Variants in PDE9A observed in about 807,000 individuals in gnomAD.
The protein encoded by PDE9A is phosphodiesterase 9A, also known as high affinity cGMP-specific 3',5'-cyclic phosphodiesterase 9A.
In PDE9A, 60 loss-of-function variants were observed where a neutral mutation model predicts 87.4. The observed-to-expected ratio is 0.69, with a 90% CI of 0.56 to 0.85. The LOEUF (loss-of-function observed/expected upper bound fraction) is 0.85. Ranked by LOEUF, PDE9A falls within the 40% of genes least tolerant of loss-of-function variation. The probability of loss-of-function intolerance (pLI) is 0.00; values close to 1 mark genes in which losing one functional copy is unlikely to be tolerated. For synonymous variants in PDE9A, 272 were observed against 279.4 expected (o/e 0.97, Z 0.27); for missense variants, 665 against 779.0 (o/e 0.85, Z 1.74).
At position 42,672,584 on chromosome 21, in the gene PDE9A, G is replaced by T. The variant is rs537761384; in HGVS notation, c.70-13608G>T. 5.9e-5 allele frequency among the ~76,000 whole-genome samples: 9 copies of T among 152,404 alleles called. No individual in the cohort carries two copies. The South Asian group carries it at 1.7e-3, about 28-fold the overall frequency. On this transcript the variant is annotated intron_variant, in intron 1 of 19. Coordinates refer to ENST00000291539, the MANE Select transcript of PDE9A (RefSeq NM_002606.3). ...CATGCCAAAGGGCAGGTCCAGCTCAGTGCTGGGGTGTGGAGGAACCCACCT... is the reference window on the plus strand; with the variant it reads ...CATGCCAAAGGGCAGGTCCAGCTCATTGCTGGGGTGTGGAGGAACCCACCT...
chr21:42,742,893 C>G (rs114028819), intron 7 of PDE9A, among the ~76,000 whole-genome samples: 2,302 of 152,244 alleles, frequency 0.015, 55 homozygotes, highest in African/African-American at 0.052. Flanking sequence ...AAGCGCTGAT[C>G]TTAGGAGCAA....
At chr21:42,771,392 A>C (rs13048220) in intron 18 of PDE9A, among the ~76,000 whole-genome samples, 143,309 of 152,310 alleles carry the variant, frequency 0.94, 67,682 homozygotes, top group Non-Finnish European at 0.98. Context: ...CGGATTCCCC[A>C]CGGCTGTCTG....
At chr21:42,761,670 C>T (rs1465404024) in intron 13 of PDE9A, among the ~76,000 whole-genome samples, 1 of 152,218 alleles carries the variant, frequency 6.6e-6, no homozygotes, top group Non-Finnish European at 1.5e-5. Context: ...ATCTGTTCCC[C>T]TTTTGCTCAT....
chr21:42,756,178 G>A (rs538122554), intron 10 of PDE9A, among the ~76,000 whole-genome samples: 3 of 152,344 alleles, frequency 2.0e-5, no homozygotes, highest in South Asian at 4.1e-4. Flanking sequence ...CCAGGAGACC[G>A]ATGAGGGTTC....
intron 1 of PDE9A, among the ~76,000 whole-genome samples, chr21:42,657,281 C>A (rs1337792566): frequency 6.6e-6 from 1 of 152,202 alleles, no homozygotes; most frequent in Non-Finnish European, 1.5e-5. Context: ...CCAGGGTGCA[C>A]AGATCAGGAC....
At position 42,762,159 on chromosome 21, in the gene PDE9A, G is replaced by A. The variant is rs748749285; in HGVS notation, c.1162G>A (p.Val388Met). 25 of 1,613,978 alleles carry A rather than the reference G, an allele frequency of 1.5e-5. No individual in the cohort carries two copies. Among genetic ancestry groups the A allele is most frequent in the East Asian group, 2.2e-5 (1 of 44,878 alleles). The change falls in exon 14 of 20, where the codon GTG (valine) becomes ATG (methionine). Residue 388 changes from valine (V) to methionine (M), a missense_variant. Physicochemically the swap from Val to Met is conservative, Grantham distance 21. Coordinates refer to ENST00000291539, the MANE Select transcript of PDE9A (RefSeq NM_002606.3). ...ACCGCTGGAGAACCACCACTGCGCC[G>A]TGGCCTTCCAGATCCTCGCCGAGCC... The part of the protein sequence containing the change: ...ISPLENHHCA[V>M]AFQILAEPEC...
At chr21:42,661,818 G>A (rs575134231) in intron 1 of PDE9A, among the ~76,000 whole-genome samples, 2 of 152,228 alleles carry the variant, frequency 1.3e-5, no homozygotes, top group African/African-American at 2.4e-5. Context: ...GCGAAGCTGT[G>A]TGCATGTCTG....
rs1194696148 is a variant in PDE9A, at chr21:42,692,005, A to G, written c.218+4011A>G. Among the ~76,000 whole-genome samples, 1 of 152,156 alleles carries G rather than the reference A, an allele frequency of 6.6e-6. No homozygotes were observed. On this transcript the variant is annotated intron_variant, in intron 3 of 19. Transcript: ENST00000291539. This position sits in a 1 kb window ranked among gnomAD's most constrained non-coding sequence, Gnocchi z 4.3. Reference sequence around the variant, plus strand: ...CCCAACCTGTCACCATCAGCACATCACTGGCTTCCTCCCCTCAGTGTGCGC... The same window carrying G: ...CCCAACCTGTCACCATCAGCACATCGCTGGCTTCCTCCCCTCAGTGTGCGC...
In PDE9A at chr21:42,760,862, C is replaced by T; in HGVS notation, c.1040C>T (p.Thr347Ile). The T allele has an allele frequency of 6.2e-7, 1 of 1,611,756 alleles. No homozygotes were observed. The highest frequency in any genetic ancestry group is 1.1e-5 in the South Asian group (1 of 91,038). ...CAAACGGATATCCTGATCCTAATGA[C>T]AGCGGCCATCTGCCACGATCTGGAC... ...FSQTDILILM[T>I]AAICHDLDHP... The change falls in exon 13 of 20, where the codon ACA (threonine) becomes ATA (isoleucine). Residue 347 changes from threonine (T) to isoleucine (I), a missense_variant. Physicochemically the swap from Thr to Ile is moderately conservative, Grantham distance 89. Coordinates refer to ENST00000291539, the MANE Select transcript of PDE9A (RefSeq NM_002606.3). This position sits in a 1 kb window ranked among gnomAD's most constrained non-coding sequence, Gnocchi z 5.2.
rs568943275 is a variant in PDE9A at position 42,694,302 on chromosome 21, C to T, written c.219-4666C>T. Among the ~76,000 whole-genome samples the T allele has an allele frequency of 6.6e-6, 1 of 152,314 alleles. No individual in the cohort carries two copies. Among genetic ancestry groups the T allele is most frequent in the South Asian group, 2.1e-4 (1 of 4,822 alleles). On this transcript the variant is annotated intron_variant, in intron 3 of 19. Transcript: ENST00000291539. The surrounding 1 kb of genome is among the most constrained non-coding windows in gnomAD (Gnocchi z 5.3). ...GTGGACTTGGTCACCTCACTGTCCC[C>T]CCAGCCTCAGGCCCAGGAACCATGT...
At position 42,692,838 on chromosome 21, in the gene PDE9A, T is replaced by C. The variant is rs916919961; in HGVS notation, c.218+4844T>C. Among the ~76,000 whole-genome samples the C allele has an allele frequency of 2.0e-5, 3 of 152,174 alleles. No homozygotes were observed. Among genetic ancestry groups the C allele is most frequent in the African/African-American group, 7.2e-5 (3 of 41,440 alleles). ...GGTGACATGCGGCCATCCTCAGAGATGTGCTTCGGGGCCCGCACGCCTTGC... is the reference window on the plus strand; with the variant it reads ...GGTGACATGCGGCCATCCTCAGAGACGTGCTTCGGGGCCCGCACGCCTTGC... On this transcript the variant is annotated intron_variant, in intron 3 of 19. Transcript: ENST00000291539. This position sits in a 1 kb window ranked among gnomAD's most constrained non-coding sequence, Gnocchi z 4.3.
At chr21:42,773,665 G>A (rs1451649608) in intron 19 of PDE9A, among the ~76,000 whole-genome samples, 1 of 151,958 alleles carries the variant, frequency 6.6e-6, no homozygotes, top group East Asian at 1.9e-4. Context: ...GCCGGGCGTG[G>A]TGGCGGGTGC....
chr21:42,771,692 T>C (rs2057037146), intron 18 of PDE9A, among the ~76,000 whole-genome samples: 1 of 152,234 alleles, frequency 6.6e-6, no homozygotes, highest in Non-Finnish European at 1.5e-5. Flanking sequence ...TGAGCCATTT[T>C]CCAGGCGTAG....
At chr21:42,754,632 T>G (rs1305521687) in intron 10 of PDE9A, among the ~76,000 whole-genome samples, 1 of 152,168 alleles carries the variant, frequency 6.6e-6, no homozygotes, top group East Asian at 1.9e-4. Flanking sequence ...CACCCAAATC[T>G]CACCCTGAAT....
At position 42,754,145 on chromosome 21, in the gene PDE9A, C is replaced by T. The variant is rs1036788477; in HGVS notation, c.810+81C>T. ...GACGCCAGTGGGACCACCCCCATCGCTCTTCCTCCTTCTTGCTTTTTCCTC... is the reference window on the plus strand; with the variant it reads ...GACGCCAGTGGGACCACCCCCATCGTTCTTCCTCCTTCTTGCTTTTTCCTC... On this transcript the variant is annotated intron_variant, in intron 10 of 19. Coordinates refer to ENST00000291539, the MANE Select transcript of PDE9A (RefSeq NM_002606.3). The T allele has an allele frequency of 7.0e-5, 52 of 746,844 alleles. 1 individual carries two copies. Among genetic ancestry groups the T allele is most frequent in the South Asian group, 6.3e-4 (41 of 64,928 alleles). 46.3% of individuals were successfully genotyped at this position (746,844 alleles called of 1,614,324 possible).
intron 1 of PDE9A, among the ~76,000 whole-genome samples, chr21:42,669,008 G>A (rs376261044): frequency 6.6e-6 from 1 of 150,782 alleles, no homozygotes; most frequent in Non-Finnish European, 1.5e-5. Context: ...ATCCCCTCCT[G>A]AAGTTTCCCC....
At chr21:42,773,759 C>CCACTG (rs1252500659) in intron 19 of PDE9A, among the ~76,000 whole-genome samples, 1 of 141,336 alleles carries the variant, frequency 7.1e-6, no homozygotes, top group Non-Finnish European at 1.6e-5. Flanking sequence ...CAAGATCGCG[C>CCACTG]CACTGCACTC....
intron 3 of PDE9A, among the ~76,000 whole-genome samples, chr21:42,688,530 T>C (rs1192600361): frequency 6.6e-6 from 1 of 152,138 alleles, no homozygotes; most frequent in African/African-American, 2.4e-5. Flanking sequence ...CAGCGGTGTA[T>C]GGCCCAGGAA....
intron 14 of PDE9A, among the ~76,000 whole-genome samples, chr21:42,763,050 G>A (rs1171567317): frequency 6.6e-6 from 1 of 152,146 alleles, no homozygotes; most frequent in East Asian, 1.9e-4. Context: ...TGGGAGGAGA[G>A]TGAGAGGATA....
Sources: gnomAD v4.1 joint callset for allele counts (sites outside exome capture counted in the v4.1 genomes callset) on GRCh38, gnomAD v4.1.1 for gene constraint, Gnocchi (gnomAD v3.1) non-coding constraint, MANE v1.5 for transcripts, NCBI Gene and HGNC (gene_info 2026-07-23, HGNC 2026-07-21) for gene names.